Variants in PIAS2 observed in about 807,000 individuals in gnomAD.
PIAS2 encodes E3 SUMO-protein ligase PIAS2.
Under a neutral mutation model 69.7 loss-of-function variants are expected in PIAS2, and 19 were observed. That is an observed-to-expected ratio of 0.27 (90% CI 0.19 to 0.40). The LOEUF (loss-of-function observed/expected upper bound fraction) is 0.40. PIAS2 is among the 10% of genes least tolerant of loss of function. The probability of loss-of-function intolerance (pLI) is 1.00; values close to 1 mark genes in which losing one functional copy is unlikely to be tolerated. For missense variants in PIAS2, 624 were observed against 757.0 expected (o/e 0.82, Z 2.06); for synonymous variants, 261 against 263.2 (o/e 0.99, Z 0.08).
At chr18:46,891,319 C>T (rs963751956) in intron 1 of PIAS2, 3 of 530,014 alleles carry the variant, frequency 5.7e-6, no homozygotes, top group African/African-American at 1.9e-5. Context: ...CTAACCACTT[C>T]ATTATCTGAT....
At chr18:46,870,095 C>T (rs2050097252) in intron 2 of PIAS2, among the ~76,000 whole-genome samples, 1 of 152,116 alleles carries the variant, frequency 6.6e-6, no homozygotes, top group Admixed American at 6.5e-5. Flanking sequence ...ATGCCTGCCC[C>T]AATGCCCCGT....
Position 46,868,791 on chromosome 18 carries a change from G to A in PIAS2, c.500-4543C>T, listed in dbSNP as rs567329683. Reference sequence around the variant, plus strand: ...TTTCTAACAACTTGGGGGCTCATCCGCGATTGCCTTTCTCATCCAGGAAGA... The same window carrying A: ...TTTCTAACAACTTGGGGGCTCATCCACGATTGCCTTTCTCATCCAGGAAGA... On this transcript the variant is annotated intron_variant, in intron 2 of 13. Coordinates refer to ENST00000585916, the MANE Select transcript of PIAS2 (RefSeq NM_004671.5). Among the ~76,000 whole-genome samples the A allele has an allele frequency of 5.9e-4, 90 of 152,244 alleles. No homozygotes were observed. The Middle Eastern group carries it at 0.01, about 17-fold the overall frequency.
intron 2 of PIAS2, among the ~76,000 whole-genome samples, chr18:46,880,585 C>G (rs1330789585): frequency 6.6e-6 from 1 of 151,834 alleles, no homozygotes; most frequent in African/African-American, 2.4e-5. Flanking sequence ...ACAGTGAGAC[C>G]CCCGTCTACT....
rs1183643481 is a variant in PIAS2 at position 46,809,882 on chromosome 18, C to T, written c.*2551G>A. The stretch of plus-strand genomic sequence containing the variant: ...CAGCTAAGATCACCCCTCTGAAACT[C>T]CCTTATATTTGGTTAAGCAGAAATC... On this transcript the variant is annotated 3_prime_UTR_variant, in exon 14 of 14. Coordinates refer to ENST00000585916, the MANE Select transcript of PIAS2 (RefSeq NM_004671.5). The T allele has an allele frequency of 6.6e-6, 1 of 152,096 alleles. No homozygotes were observed. Among genetic ancestry groups the T allele is most frequent in the African/African-American group, 2.4e-5 (1 of 41,398 alleles). The allele number at this position is 152,096 out of a possible 1,614,324, so 9.4% of individuals were successfully genotyped here. A position where few individuals can be genotyped will look rare whatever the true frequency, so the allele number is the denominator to read the frequency against.
At chr18:46,884,636 C>A (rs983508394) in intron 2 of PIAS2, among the ~76,000 whole-genome samples, 1 of 152,012 alleles carries the variant, frequency 6.6e-6, no homozygotes, top group Non-Finnish European at 1.5e-5. Context: ...AATTATCTTG[C>A]CAGGTGCCGT....
At position 46,832,818 on chromosome 18, in the gene PIAS2, G is replaced by T. The variant is rs534743242; in HGVS notation, c.1203-2951C>A. Reference sequence around the variant, plus strand: ...GAGGCAGGAGAATCACTTGAACCTGGGGGGTGGGGGCTGCAGTGAGCCAAG... The same window carrying T: ...GAGGCAGGAGAATCACTTGAACCTGTGGGGTGGGGGCTGCAGTGAGCCAAG... On this transcript the variant is annotated intron_variant, in intron 9 of 13. Coordinates refer to ENST00000585916, the MANE Select transcript of PIAS2 (RefSeq NM_004671.5). 3.3e-5 allele frequency among the ~76,000 whole-genome samples: 5 copies of T among 151,764 alleles called. No individual in the cohort carries two copies. In the East Asian group the frequency reaches 5.8e-4, roughly 18 times the overall value.
At chr18:46,916,901 T>C (rs2058000092) in intron 1 of PIAS2, 1 of 985,326 alleles carries the variant, frequency 1.0e-6, no homozygotes, top group Non-Finnish European at 1.2e-6. Flanking sequence ...CAGAAAACAG[T>C]CCTCCACCAA....
rs902473319 is a variant in PIAS2, at chr18:46,811,227, C to T, written c.*1206G>A. 2.7e-5 allele frequency: 4 copies of T among 149,452 alleles called. No homozygotes were observed. Among genetic ancestry groups the T allele is most frequent in the Non-Finnish European group, 5.9e-5 (4 of 67,688 alleles). The allele number at this position is 149,452 out of a possible 1,614,324, so 9.3% of individuals were successfully genotyped here. A position where few individuals can be genotyped will look rare whatever the true frequency, so the allele number is the denominator to read the frequency against. On this transcript the variant is annotated 3_prime_UTR_variant, in exon 14 of 14. Transcript: ENST00000585916. ...TCAAACATTTCTAATTCTCTTTTGT[C>T]GTTTGTAGTTTCAGGTAAGATATCA...
In PIAS2 at chr18:46,897,352, A is replaced by C. The variant is rs1352802453; in HGVS notation, c.25-6298T>G. Reference sequence around the variant, plus strand: ...AACATTTTATCGCACCAGAAAACAGAGAAGCTATCAAAGATCACGGGGCCT... The same window carrying C: ...AACATTTTATCGCACCAGAAAACAGCGAAGCTATCAAAGATCACGGGGCCT... On this transcript the variant is annotated intron_variant, in intron 1 of 13. Coordinates refer to ENST00000585916, the MANE Select transcript of PIAS2 (RefSeq NM_004671.5). Among the ~76,000 whole-genome samples the C allele has an allele frequency of 2.0e-5, 3 of 152,226 alleles. No individual in the cohort carries two copies. The East Asian group carries it at 5.8e-4, about 29-fold the overall frequency.
intron 2 of PIAS2, among the ~76,000 whole-genome samples, chr18:46,886,396 G>C (rs898150401): frequency 6.6e-6 from 1 of 152,200 alleles, no homozygotes; most frequent in Non-Finnish European, 1.5e-5. Context: ...CATTGTGCAT[G>C]ATACTGTCCA....
chr18:46,874,483 C>T (rs967110069), intron 2 of PIAS2, among the ~76,000 whole-genome samples: 5 of 152,118 alleles, frequency 3.3e-5, no homozygotes. Flanking sequence ...ATACCATACC[C>T]CCTGGCACTC....
chr18:46,848,319 G>C (rs2046446809), intron 5 of PIAS2, among the ~76,000 whole-genome samples: 1 of 152,168 alleles, frequency 6.6e-6, no homozygotes, highest in South Asian at 2.1e-4. Context: ...CAGGATTCAT[G>C]CTTCTTTCTC....
chr18:46,879,826 G>GT (rs1296756765), intron 2 of PIAS2, among the ~76,000 whole-genome samples: 1 of 152,096 alleles, frequency 6.6e-6, no homozygotes, highest in East Asian at 1.9e-4. Flanking sequence ...AATATGACAC[G>GT]TAAGTCAAAT....
upstream of PIAS2, among the ~76,000 whole-genome samples, chr18:46,919,267 A>T (rs1297454968): frequency 6.6e-6 from 1 of 151,840 alleles, no homozygotes; most frequent in East Asian, 1.9e-4. Flanking sequence ...CGGGCGGATC[A>T]CCTGAGGTTG....
chr18:46,869,023 C>T (rs572146968), intron 2 of PIAS2, among the ~76,000 whole-genome samples: 3 of 152,294 alleles, frequency 2.0e-5, no homozygotes, highest in African/African-American at 7.2e-5. Flanking sequence ...CAAAGTATTT[C>T]CTTGGTGGTT....
intron 2 of PIAS2, among the ~76,000 whole-genome samples, chr18:46,873,217 T>C (rs2050645514): frequency 6.6e-6 from 1 of 152,212 alleles, no homozygotes; most frequent in Non-Finnish European, 1.5e-5. Flanking sequence ...GACTCAAGGA[T>C]TTTAAAGTAT....
chr18:46,858,489 G>A (rs1010637983), intron 3 of PIAS2, among the ~76,000 whole-genome samples: 8 of 152,156 alleles, frequency 5.3e-5, no homozygotes, highest in African/African-American at 1.9e-4. Context: ...GAGGTAGGTG[G>A]AGTTCAGGAC....
chr18:46,859,598 C>G (rs1221828318), intron 3 of PIAS2, among the ~76,000 whole-genome samples: 1 of 152,032 alleles, frequency 6.6e-6, no homozygotes. Flanking sequence ...CTCCTTGAGG[C>G]CAGTCTGTTT....
intron 12 of PIAS2, chr18:46,818,563 TA>T (rs745859587): frequency 2.2e-6 from 2 of 921,580 alleles, no homozygotes. Flanking sequence ...TATAAATTAT[TA>T]AGTTTATCAA....
Sources: allele counts gnomAD v4.1 joint callset (sites outside exome capture counted in the v4.1 genomes callset), GRCh38; gene constraint gnomAD v4.1.1; transcripts MANE v1.5; gene names NCBI Gene and HGNC (gene_info 2026-07-23, HGNC 2026-07-21).